Variants in HFM1 observed in about 807,000 individuals in gnomAD.
The protein encoded by HFM1 is probable ATP-dependent DNA helicase HFM1.
In HFM1, 169 loss-of-function variants were observed where a neutral mutation model predicts 192.1. That is an observed-to-expected ratio of 0.88 (90% confidence interval 0.78 to 1.00). The LOEUF (loss-of-function observed/expected upper bound fraction) is 1.00. Among genes scored for constraint, HFM1 ranks in the 50% least tolerant of loss-of-function variants. The pLI, the probability that HFM1 is intolerant of heterozygous loss-of-function variation, is 0.00. For missense variants in HFM1, 1,661 were observed against 1,668.0 expected (o/e 1.00, Z 0.07); for synonymous variants, 525 against 537.8 (o/e 0.98, Z 0.33).
At chr1:91,392,334 C>A (rs559666525) in intron 4 of HFM1, among the ~76,000 whole-genome samples, 2 of 152,288 alleles carry the variant, frequency 1.3e-5, no homozygotes, top group South Asian at 2.1e-4. Context: ...ATAGCAAAGA[C>A]TTGGAACCAA....
intron 13 of HFM1, among the ~76,000 whole-genome samples, chr1:91,357,254 T>C (rs1256381015): frequency 6.6e-6 from 1 of 152,284 alleles, no homozygotes; most frequent in Middle Eastern, 3.4e-3. Flanking sequence ...TTATACACCA[T>C]GGCCAAGTGG....
chr1:91,310,084 G>C (rs1270006793), intron 30 of HFM1, among the ~76,000 whole-genome samples: 2 of 151,770 alleles, frequency 1.3e-5, no homozygotes, highest in African/African-American at 2.4e-5. Context: ...GAGTTAATCT[G>C]GTATATCTAG....
At chr1:91,322,620 A>G (rs1396043421) in intron 23 of HFM1, among the ~76,000 whole-genome samples, 1 of 152,130 alleles carries the variant, frequency 6.6e-6, no homozygotes, top group Non-Finnish European at 1.5e-5. Flanking sequence ...TTCAGTAGAC[A>G]TTTATTACAC....
intron 13 of HFM1, among the ~76,000 whole-genome samples, chr1:91,369,035 A>C (rs1456275738): frequency 6.6e-6 from 1 of 152,244 alleles, no homozygotes; most frequent in Non-Finnish European, 1.5e-5. Context: ...GATCAATTCA[A>C]CAAGAAGAGC....
chr1:91,378,335 C>A (rs1661156647), intron 10 of HFM1, 68 bp downstream of exon 10: 2 of 1,377,288 alleles, frequency 1.5e-6, no homozygotes, highest in East Asian at 4.6e-5. Context: ...GTTGCAATGT[C>A]TTTTTTCTTT....
chr1:91,332,781 T>C (rs765651438), intron 20 of HFM1, among the ~76,000 whole-genome samples: 1 of 151,980 alleles, frequency 6.6e-6, no homozygotes, highest in Non-Finnish European at 1.5e-5. Context: ...AGTTGAAAAA[T>C]GGGCAAAAGA....
chr1:91,312,254 G>A (rs371496088), intron 30 of HFM1, among the ~76,000 whole-genome samples: 14 of 152,178 alleles, frequency 9.2e-5, no homozygotes, highest in African/African-American at 2.2e-4. Flanking sequence ...CCAGACCCCC[G>A]AATGGTAGAT....
intron 13 of HFM1, among the ~76,000 whole-genome samples, chr1:91,372,288 C>T (rs986104760): frequency 2.0e-5 from 3 of 152,132 alleles, no homozygotes; most frequent in Admixed American, 6.5e-5. Context: ...CACATGTGCA[C>T]GTGTGTTTAT....
chr1:91,316,172 G>A lies in HFM1; in HGVS notation c.2911C>T (p.His971Tyr). The A allele has an allele frequency of 6.4e-7, 1 of 1,570,476 alleles. No homozygotes were observed. The highest frequency in any genetic ancestry group is 8.7e-7 in the Non-Finnish European group (1 of 1,151,786). ...ARELELILNR[H>Y]PPFGTQIKET... ...TTTATCTGGGTTCCAAAGGGGGGATGTCTGTTTAAAATCTAAAAATATTTA... is the reference window on the plus strand; with the variant it reads ...TTTATCTGGGTTCCAAAGGGGGGATATCTGTTTAAAATCTAAAAATATTTA... Residue 971 changes from histidine (H) to tyrosine (Y), a missense_variant, in exon 27 of 39, where the codon CAT becomes TAT. Coordinates refer to ENST00000370425, the MANE Select transcript of HFM1 (RefSeq NM_001017975.6).
chr1:91,343,396 A>T (rs780628329), intron 20 of HFM1, 34 bp downstream of exon 20: 1 of 1,034,626 alleles, frequency 9.7e-7, no homozygotes, highest in Non-Finnish European at 1.4e-6. Context: ...TAAGTAAACA[A>T]TTGCTAAATT....
intron 13 of HFM1, among the ~76,000 whole-genome samples, chr1:91,362,553 C>A (rs548095278): frequency 6.6e-6 from 1 of 152,200 alleles, no homozygotes; most frequent in African/African-American, 2.4e-5. Context: ...TGGATACAAG[C>A]AAATAGAGAA....
rs952879209 is a variant in HFM1, at chr1:91,315,806, C to T, written c.3140+9G>A. The T allele has an allele frequency of 3.8e-6, 6 of 1,576,588 alleles. No individual in the cohort carries two copies. In the African/African-American group the frequency reaches 6.8e-5, roughly 18 times the overall value. ...AAATAAGATCAAACATCAGAAATTTCACACTTACGTAATCTTGTGCAGATA... is the reference window on the plus strand; with the variant it reads ...AAATAAGATCAAACATCAGAAATTTTACACTTACGTAATCTTGTGCAGATA... On this transcript the variant is annotated intron_variant, in intron 28 of 38. Transcript: ENST00000370425.
rs930546070 is a variant in HFM1, at chr1:91,397,823, G to T, written c.72-1418C>A. On this transcript the variant is annotated intron_variant, in intron 2 of 38. Coordinates refer to ENST00000370425, the MANE Select transcript of HFM1 (RefSeq NM_001017975.6). The stretch of plus-strand genomic sequence containing the variant: ...GAGTCTTCTCCCAGCAGACTCTGCG[G>T]GAGGCACTTAATTATCTGAGTAATG... 2.4e-4 allele frequency among the ~76,000 whole-genome samples: 36 copies of T among 152,168 alleles called. 1 individual carries two copies. Among genetic ancestry groups the T allele is most frequent in the African/African-American group, 8.7e-4 (36 of 41,446 alleles).
chr1:91,382,200 T>A (rs1466325630), intron 6 of HFM1, among the ~76,000 whole-genome samples: 2 of 152,178 alleles, frequency 1.3e-5, no homozygotes, highest in South Asian at 2.1e-4. Flanking sequence ...AAATCTGACC[T>A]TCTCAAGGTC....
intron 20 of HFM1, chr1:91,329,112 G>A (rs1653400440): frequency 6.2e-7 from 1 of 1,609,742 alleles, no homozygotes; most frequent in Non-Finnish European, 8.5e-7. Flanking sequence ...GCCCAAGCGG[G>A]CTGTGGATCT....
At chr1:91,344,141 C>G (rs954131503) in intron 19 of HFM1, among the ~76,000 whole-genome samples, 3 of 152,162 alleles carry the variant, frequency 2.0e-5, no homozygotes, top group African/African-American at 7.2e-5. Flanking sequence ...TGACAGGAAG[C>G]AATGCTAGTT....
At chr1:91,277,517 G>C (rs1248460998) in intron 30 of HFM1, among the ~76,000 whole-genome samples, 1 of 142,530 alleles carries the variant, frequency 7.0e-6, no homozygotes, top group Non-Finnish European at 1.5e-5. Flanking sequence ...GTGTGTGTGT[G>C]TGTGTGTGTG....
At chr1:91,321,831 G>A (rs2101309980) in intron 23 of HFM1, among the ~76,000 whole-genome samples, 1 of 152,272 alleles carries the variant, frequency 6.6e-6, no homozygotes, top group South Asian at 2.1e-4. Context: ...CCAATTTAAG[G>A]CAAAGTTAAT....
intron 30 of HFM1, among the ~76,000 whole-genome samples, chr1:91,289,346 C>T (rs377187090): frequency 2.8e-4 from 42 of 151,746 alleles, no homozygotes; most frequent in African/African-American, 7.0e-4. Context: ...GACGGGATGA[C>T]GGCCAGGAAG....
Sources: gnomAD v4.1 joint callset for allele counts (sites outside exome capture counted in the v4.1 genomes callset) on GRCh38, gnomAD v4.1.1 for gene constraint, MANE v1.5 for transcripts, NCBI Gene and HGNC (gene_info 2026-07-23, HGNC 2026-07-21) for gene names.